Variants in OPTC observed in about 807,000 individuals in gnomAD.
OPTC encodes the protein opticin, also known as oculoglycan.
Under a neutral mutation model 25.4 loss-of-function variants are expected in OPTC, and 22 were observed. The observed-to-expected ratio is 0.87, with a 90% CI of 0.62 to 1.24. The LOEUF (loss-of-function observed/expected upper bound fraction) is 1.24. Ranked by LOEUF, OPTC falls within the 50% of genes most tolerant of loss-of-function variation. OPTC has a pLI of 0.00. For missense variants in OPTC, 417 were observed against 425.2 expected (o/e 0.98, Z 0.17); for synonymous variants, 169 against 179.3 (o/e 0.94, Z 0.46).
intron 6 of OPTC, 53 bp from the exon 7 acceptor site, chr1:203,503,497 G>C: frequency 1.9e-6 from 3 of 1,576,014 alleles, no homozygotes; most frequent in Admixed American, 3.3e-5. Context: ...CTTTGGTGCT[G>C]CTTAAGGGGC....
At chr1:203,505,135 C>T (rs1661458123) in intron 7 of OPTC, among the ~76,000 whole-genome samples, 1 of 152,160 alleles carries the variant, frequency 6.6e-6, no homozygotes, top group Admixed American at 6.5e-5. Context: ...TTCACTTACT[C>T]ACGCAGGAGG....
At chr1:203,508,526 C>T (rs138048189) in intron 7 of OPTC, 120 bp from the exon 8 acceptor site, 231 of 152,156 alleles carry the variant, frequency 1.5e-3, no homozygotes, top group Non-Finnish European at 2.5e-3. Context: ...GAGGTGGCCC[C>T]GGCTCTCCCC....
chr1:203,497,595 G>T (rs1359972478), intron 3 of OPTC, among the ~76,000 whole-genome samples: 1 of 152,214 alleles, frequency 6.6e-6, no homozygotes, highest in African/African-American at 2.4e-5. Context: ...CCTGGAGGCT[G>T]CGGCTGGCAT....
Position 203,498,808 on chromosome 1 carries a change from C to T in OPTC, c.498C>T (p.Ser166=). Residue 166 remains serine, a synonymous_variant, in exon 4 of 8, where the codon AGC becomes AGT. Coordinates refer to ENST00000367222, the MANE Select transcript of OPTC (RefSeq NM_014359.4). ...TGTATGCACGCTTCAACCGCATCAG[C>T]CGTATCAGGGCCGAAGACTTCAAAG... ...AYLYARFNRI[S]RIRAEDFKGL... is the part of the protein sequence containing the mutation. The T allele has an allele frequency of 1.2e-6, 2 of 1,614,048 alleles. No individual in the cohort carries two copies. The highest frequency in any genetic ancestry group is 1.7e-6 in the Non-Finnish European group (2 of 1,180,018).
chr1:203,503,401 CTTG>C, intron 6 of OPTC, 146 bp from the exon 7 acceptor site: 1 of 785,716 alleles, frequency 1.3e-6, no homozygotes, highest in Non-Finnish European at 2.2e-6. Context: ...TCTTCTCACC[CTTG>C]TTGTGTGGCT....
At position 203,503,595 on chromosome 1, in the gene OPTC, G is replaced by A. The variant is rs751882241; in HGVS notation, c.874G>A (p.Glu292Lys). Residue 292 changes from glutamate (E) to lysine (K), a missense_variant, in exon 7 of 8, where the codon GAG (glutamate) becomes AAG (lysine). Physicochemically the swap from Glu to Lys is moderately conservative, Grantham distance 56. Coordinates refer to ENST00000367222, the MANE Select transcript of OPTC (RefSeq NM_014359.4). ...TMQRDVFCDP[E>K]EHKHTRRQLE... The stretch of plus-strand genomic sequence containing the variant: ...GCAGAGAGACGTCTTCTGTGACCCC[G>A]AGGAGCACAAACACACCCGCAGGCA... 54 of 1,613,564 alleles carry A rather than the reference G, an allele frequency of 3.3e-5. No individual in the cohort carries two copies. Among genetic ancestry groups the A allele is most frequent in the Middle Eastern group, 3.3e-4 (2 of 6,084 alleles).
chr1:203,502,720 GGAGT>G (rs1489673994), intron 5 of OPTC, among the ~76,000 whole-genome samples, 190 bp from the exon 6 acceptor site: 1 of 152,206 alleles, frequency 6.6e-6, no homozygotes, highest in East Asian at 1.9e-4. Context: ...GCATCCAGTT[GGAGT>G]TAGTGTCTGT....
At chr1:203,507,540 G>C (rs1246102264) in intron 7 of OPTC, among the ~76,000 whole-genome samples, 3 of 152,202 alleles carry the variant, frequency 2.0e-5, no homozygotes, top group African/African-American at 4.8e-5. Flanking sequence ...CGGCACCCTG[G>C]TGACTATTCT....
intron 4 of OPTC, 92 bp from the exon 5 acceptor site, chr1:203,499,557 G>A: frequency 9.7e-7 from 1 of 1,032,764 alleles, no homozygotes; most frequent in Non-Finnish European, 1.5e-6. Flanking sequence ...ATCTTGAGAG[G>A]GATGGAGCAA....
At chr1:203,506,349 C>T (rs1291808709) in intron 7 of OPTC, among the ~76,000 whole-genome samples, 2 of 151,880 alleles carry the variant, frequency 1.3e-5, no homozygotes, top group East Asian at 1.9e-4. Flanking sequence ...CAGGGTTTCT[C>T]CATGTTGGTC....
intron 7 of OPTC, among the ~76,000 whole-genome samples, chr1:203,504,120 G>C (rs1221565990): frequency 6.6e-6 from 1 of 152,198 alleles, no homozygotes; most frequent in African/African-American, 2.4e-5. Context: ...GCAGTGATGT[G>C]CTGGAGCCAG....
chr1:203,505,361 A>G (rs1385900805), intron 7 of OPTC, among the ~76,000 whole-genome samples: 1 of 152,214 alleles, frequency 6.6e-6, no homozygotes, highest in Non-Finnish European at 1.5e-5. Flanking sequence ...AGGGGTCCAG[A>G]AGATCTTGCA....
In OPTC at chr1:203,503,006, G is replaced by A. The variant is rs1467955629; in HGVS notation, c.825G>A (p.Leu275=). 3.1e-6 allele frequency: 5 copies of A among 1,612,336 alleles called. No individual in the cohort carries two copies. The highest frequency in any genetic ancestry group is 1.1e-5 in the South Asian group (1 of 91,036). Residue 275 remains leucine, a synonymous_variant, in exon 6 of 8, where the codon CTG becomes CTA. Coordinates refer to ENST00000367222, the MANE Select transcript of OPTC (RefSeq NM_014359.4). ...CCCTGAGCCTGCGCTCTGTACACCTGCAGGTAAGGAGCACCACCCAGAGCA... is the reference window on the plus strand; with the variant it reads ...CCCTGAGCCTGCGCTCTGTACACCTACAGGTAAGGAGCACCACCCAGAGCA... ...PLPLSLRSVH[L]QNNLIETMQR...
At chr1:203,506,755 G>T (rs1190515944) in intron 7 of OPTC, among the ~76,000 whole-genome samples, 1 of 152,196 alleles carries the variant, frequency 6.6e-6, no homozygotes, top group Admixed American at 6.5e-5. Context: ...CTTCTGAAAG[G>T]GGAGAGGCCC....
rs145226261 is a variant in OPTC at position 203,503,651 on chromosome 1, C to T, written c.930C>T (p.Pro310=). 57 of 1,613,340 alleles carry T rather than the reference C, an allele frequency of 3.5e-5. No individual in the cohort carries two copies. In the African/African-American group the frequency reaches 6.5e-4, roughly 18 times the overall value. Reference sequence around the variant, plus strand: ...AAGACATCCGCCTGGATGGCAACCCCATCAACCTCAGCCTCTTCCCCAGCG... The same window carrying T: ...AAGACATCCGCCTGGATGGCAACCCTATCAACCTCAGCCTCTTCCCCAGCG... The part of the protein sequence containing the change: ...QLEDIRLDGN[P]INLSLFPSAY... Residue 310 remains proline, a synonymous_variant, in exon 7 of 8, where the codon CCC becomes CCT. Coordinates refer to ENST00000367222, the MANE Select transcript of OPTC (RefSeq NM_014359.4).
rs1661294034 is a variant in OPTC, at chr1:203,497,130, A to G, written c.370+15A>G. 3 of 1,613,776 alleles carry G rather than the reference A, an allele frequency of 1.9e-6. No individual in the cohort carries two copies. The highest frequency in any genetic ancestry group is 2.5e-6 in the Non-Finnish European group (3 of 1,179,922). On this transcript the variant is annotated intron_variant, in intron 3 of 7. Coordinates refer to ENST00000367222, the MANE Select transcript of OPTC (RefSeq NM_014359.4). ...GCCCAACCATGGTAAGTGCACAGTC[A>G]CATGGTCGCAATATCCCTAGGTCAT...
At chr1:203,505,355 G>C (rs1661463387) in intron 7 of OPTC, among the ~76,000 whole-genome samples, 1 of 152,204 alleles carries the variant, frequency 6.6e-6, no homozygotes, top group Non-Finnish European at 1.5e-5. Context: ...CAACTTAGGG[G>C]TCCAGAAGAT....
intron 7 of OPTC, among the ~76,000 whole-genome samples, chr1:203,507,827 G>A (rs1661521054): frequency 1.3e-5 from 2 of 152,198 alleles, no homozygotes; most frequent in African/African-American, 4.8e-5. Flanking sequence ...AGGGGCTGCT[G>A]GAGAGGCTGG....
intron 3 of OPTC, 48 bp downstream of exon 3, chr1:203,497,163 G>A (rs979949184): frequency 1.2e-5 from 20 of 1,608,572 alleles, no homozygotes; most frequent in Non-Finnish European, 1.6e-5. Context: ...CATAGGCCAA[G>A]CAGCTATGAC....
Sources: allele counts gnomAD v4.1 joint callset (sites outside exome capture counted in the v4.1 genomes callset), GRCh38; gene constraint gnomAD v4.1.1; transcripts MANE v1.5; gene names NCBI Gene and HGNC (gene_info 2026-07-23, HGNC 2026-07-21).